The following ASCC3 variants were observed in gnomAD, a reference collection of about 807,000 sequenced individuals.
The protein encoded by ASCC3 is activating signal cointegrator 1 complex subunit 3.
A neutral mutation model predicts 256.3 loss-of-function variants in ASCC3; 158 were observed. The observed-to-expected ratio is 0.62, with a 90% CI of 0.54 to 0.70. The LOEUF (loss-of-function observed/expected upper bound fraction) is 0.70. ASCC3 is among the 30% of genes least tolerant of loss of function. The pLI, the probability that ASCC3 is intolerant of heterozygous loss-of-function variation, is 0.00. For synonymous variants in ASCC3, 948 were observed against 883.4 expected (o/e 1.07, Z -1.30); for missense variants, 2,259 against 2,626.0 (o/e 0.86, Z 3.05).
At chr6:100,615,595 A>G (rs969736566) in intron 30 of ASCC3, among the ~76,000 whole-genome samples, 2 of 152,206 alleles carry the variant, frequency 1.3e-5, no homozygotes, top group Non-Finnish European at 2.9e-5. Flanking sequence ...ATTCTAAAGT[A>G]CTCTATATAA....
At chr6:100,596,071 T>G (rs1489974212) in intron 34 of ASCC3, among the ~76,000 whole-genome samples, 6 of 152,160 alleles carry the variant, frequency 3.9e-5, no homozygotes, top group Admixed American at 1.3e-4. Context: ...TTTGTACAGC[T>G]ATGGTCTATA....
At chr6:100,761,344 G>A (rs573732076) in intron 10 of ASCC3, among the ~76,000 whole-genome samples, 6 of 152,160 alleles carry the variant, frequency 3.9e-5, no homozygotes, top group South Asian at 2.1e-4. Flanking sequence ...AACGATTACC[G>A]GGATGTGGTG....
chr6:100,755,175 T>G (rs9390671), intron 10 of ASCC3, among the ~76,000 whole-genome samples: 10,221 of 152,134 alleles, frequency 0.067, 781 homozygotes, highest in East Asian at 0.3. Context: ...AACACTCTTT[T>G]GCTAATTCAG....
chr6:100,556,858 GA>G (rs982410441), intron 36 of ASCC3, among the ~76,000 whole-genome samples: 17 of 151,304 alleles, frequency 1.1e-4, no homozygotes, highest in Non-Finnish European at 1.8e-4. Context: ...AGAAATTTGA[GA>G]AAAAAAATAA....
At chr6:100,654,599 T>C (rs943757077) in intron 17 of ASCC3, among the ~76,000 whole-genome samples, 1 of 152,050 alleles carries the variant, frequency 6.6e-6, no homozygotes, top group Non-Finnish European at 1.5e-5. Flanking sequence ...ATGTGTAAGG[T>C]TACAGGTTAT....
chr6:100,726,984 G>A (rs1313663740), intron 10 of ASCC3, among the ~76,000 whole-genome samples: 1 of 151,998 alleles, frequency 6.6e-6, no homozygotes, highest in Non-Finnish European at 1.5e-5. Context: ...CAAACATTTG[G>A]TGTATTTAAT....
At chr6:100,657,874 G>A (rs1775989107) in intron 16 of ASCC3, among the ~76,000 whole-genome samples, 1 of 151,464 alleles carries the variant, frequency 6.6e-6, no homozygotes, top group Non-Finnish European at 1.5e-5. Flanking sequence ...GCCACCTAGT[G>A]ACAAAAAATA....
At chr6:100,607,640 A>C (rs1475259256) in intron 30 of ASCC3, among the ~76,000 whole-genome samples, 1 of 151,978 alleles carries the variant, frequency 6.6e-6, no homozygotes, top group Non-Finnish European at 1.5e-5. Context: ...TTATATATGC[A>C]TTTAATTTTC....
intron 36 of ASCC3, among the ~76,000 whole-genome samples, chr6:100,576,893 A>C (rs1770894436): frequency 6.6e-6 from 1 of 151,900 alleles, no homozygotes; most frequent in Non-Finnish European, 1.5e-5. Context: ...AGCAGTCTCA[A>C]AAGAGATGTC....
intron 36 of ASCC3, among the ~76,000 whole-genome samples, chr6:100,561,134 A>C (rs1248151714): frequency 2.0e-5 from 3 of 152,022 alleles, no homozygotes; most frequent in African/African-American, 7.2e-5. Flanking sequence ...AAAAGAAAAA[A>C]AAAAAAAACC....
At chr6:100,774,181 A>G (rs1276514102) in intron 8 of ASCC3, among the ~76,000 whole-genome samples, 1 of 152,186 alleles carries the variant, frequency 6.6e-6, no homozygotes, top group African/African-American at 2.4e-5. Flanking sequence ...TTTCTGAGAT[A>G]GCGTCTTGCT....
At chr6:100,670,511 G>A (rs984499764) in intron 14 of ASCC3, among the ~76,000 whole-genome samples, 1 of 150,868 alleles carries the variant, frequency 6.6e-6, no homozygotes, top group Non-Finnish European at 1.5e-5. Context: ...ATTGTTTAGG[G>A]AATAATGACA....
intron 34 of ASCC3, among the ~76,000 whole-genome samples, chr6:100,594,208 G>A (rs1238556274): frequency 1.3e-5 from 2 of 151,806 alleles, no homozygotes; most frequent in African/African-American, 4.8e-5. Flanking sequence ...TTATAAAAAT[G>A]GTCTTTCTTT....
chr6:100,820,622 G>T (rs1770991793), intron 4 of ASCC3, among the ~76,000 whole-genome samples: 1 of 151,538 alleles, frequency 6.6e-6, no homozygotes. Context: ...AGCAACAAAA[G>T]AAAACAGATA....
chr6:100,864,031 T>TAA, intron 3 of ASCC3, 33 bp downstream of exon 3: 1 of 1,426,534 alleles, frequency 7.0e-7, no homozygotes, highest in East Asian at 2.5e-5. Flanking sequence ...CTGGTTCTCT[T>TAA]TAAAAAAAAA....
chr6:100,800,009 A>G (rs914715144), intron 6 of ASCC3, among the ~76,000 whole-genome samples: 1 of 152,042 alleles, frequency 6.6e-6, no homozygotes, highest in Non-Finnish European at 1.5e-5. Flanking sequence ...AAATTTATGT[A>G]AGCTATATAA....
At chr6:100,603,257 A>G (rs1772717786) in intron 33 of ASCC3, among the ~76,000 whole-genome samples, 1 of 152,106 alleles carries the variant, frequency 6.6e-6, no homozygotes, top group Admixed American at 6.6e-5. Flanking sequence ...AATTTAGTTA[A>G]CTTTTTATCG....
intron 4 of ASCC3, among the ~76,000 whole-genome samples, chr6:100,835,153 C>A (rs1245921093): frequency 6.6e-6 from 1 of 151,338 alleles, no homozygotes; most frequent in Non-Finnish European, 1.5e-5. Flanking sequence ...TTTAATTACA[C>A]AGAACATGCA....
At chr6:100,580,726 T>C (rs1327708134) in intron 36 of ASCC3, among the ~76,000 whole-genome samples, 18 of 146,948 alleles carry the variant, frequency 1.2e-4, no homozygotes, top group Non-Finnish European at 1.5e-5. Context: ...ATGCTATCCT[T>C]CTCCCCTCCC....
Sources: allele counts gnomAD v4.1 joint callset (sites outside exome capture counted in the v4.1 genomes callset), GRCh38; gene constraint gnomAD v4.1.1; transcripts MANE v1.5; gene names NCBI Gene and HGNC (gene_info 2026-07-23, HGNC 2026-07-21).